Variants in GPC6 observed in about 807,000 individuals in gnomAD.
GPC6 encodes the protein glypican-6.
A neutral mutation model predicts 55.2 loss-of-function variants in GPC6; 14 were observed. That is an observed-to-expected ratio of 0.25 (90% CI 0.17 to 0.40). GPC6 has a LOEUF of 0.40. GPC6 is among the 10% of genes least tolerant of loss of function. The pLI, the probability that GPC6 is intolerant of heterozygous loss-of-function variation, is 1.00. For synonymous variants in GPC6, 278 were observed against 259.6 expected, an observed-to-expected ratio of 1.07 and a Z score of -0.68; for missense variants, 641 against 708.5, an observed-to-expected ratio of 0.90 and a Z score of 1.08.
chr13:93,251,076 AT>A (rs1731106686), intron 1 of GPC6, among the ~76,000 whole-genome samples: 1 of 152,032 alleles, frequency 6.6e-6, no homozygotes, highest in Non-Finnish European at 1.5e-5. Flanking sequence ...GGAGGAAACC[AT>A]CCCCATGATT....
At chr13:93,568,470 A>G (rs1876245896) in intron 2 of GPC6, among the ~76,000 whole-genome samples, 1 of 152,212 alleles carries the variant, frequency 6.6e-6, no homozygotes, top group African/African-American at 2.4e-5. Context: ...CTCAAGAGCA[A>G]TAGATGCTGA....
At chr13:93,875,232 TCCTGA>T (rs1889254253) in intron 3 of GPC6, among the ~76,000 whole-genome samples, 1 of 151,984 alleles carries the variant, frequency 6.6e-6, no homozygotes, top group Non-Finnish European at 1.5e-5. Context: ...TGCAAAACTA[TCCTGA>T]CCTGCCATTT....
intron 3 of GPC6, among the ~76,000 whole-genome samples, chr13:93,952,680 T>C (rs1002498757): frequency 6.6e-6 from 1 of 151,334 alleles, no homozygotes; most frequent in African/African-American, 2.4e-5. Context: ...TGTGTATAAA[T>C]AGTATATATA....
intron 2 of GPC6, among the ~76,000 whole-genome samples, chr13:93,678,979 G>C (rs1881749516): frequency 6.6e-6 from 1 of 152,114 alleles, no homozygotes; most frequent in Non-Finnish European, 1.5e-5. Context: ...AGCTGTGTTA[G>C]ACCTCAGACC....
chr13:94,048,002 AT>A (rs1326053383), intron 4 of GPC6, among the ~76,000 whole-genome samples: 3 of 151,674 alleles, frequency 2.0e-5, no homozygotes, highest in Admixed American at 6.6e-5. Context: ...AATATTTAAC[AT>A]TTTTTTTCTC....
intron 1 of GPC6, among the ~76,000 whole-genome samples, chr13:93,498,239 G>C (rs777262734): frequency 2.0e-5 from 3 of 152,148 alleles, no homozygotes; most frequent in Admixed American, 6.6e-5. Context: ...CTGGCCTTTG[G>C]ATGTCTTTCC....
chr13:93,936,922 C>T (rs189075935), intron 3 of GPC6, among the ~76,000 whole-genome samples: 44 of 152,262 alleles, frequency 2.9e-4, no homozygotes, highest in African/African-American at 1.0e-3. Context: ...TTTAGAAACC[C>T]ATCAGATATT....
chr13:93,361,957 A>C, intron 1 of GPC6, among the ~76,000 whole-genome samples: 1 of 152,206 alleles, frequency 6.6e-6, no homozygotes, highest in East Asian at 1.9e-4. Flanking sequence ...TTGATCTTTC[A>C]CTTGTGACTG....
At chr13:93,790,889 G>T (rs1448463844) in intron 2 of GPC6, among the ~76,000 whole-genome samples, 1 of 152,126 alleles carries the variant, frequency 6.6e-6, no homozygotes, top group African/African-American at 2.4e-5. Context: ...GTTTTCACAT[G>T]GACAGCGAAG....
At chr13:93,382,681 G>A (rs1408208) in intron 1 of GPC6, among the ~76,000 whole-genome samples, 29,516 of 152,108 alleles carry the variant, frequency 0.19, 3,437 homozygotes, top group East Asian at 0.53. Context: ...TGTACATCTT[G>A]AAAATTGACA....
At chr13:94,196,235 T>C (rs1427079118) in intron 4 of GPC6, among the ~76,000 whole-genome samples, 2 of 151,870 alleles carry the variant, frequency 1.3e-5, no homozygotes, top group Non-Finnish European at 2.9e-5. Flanking sequence ...ATATCTCTTA[T>C]AAGAGGGAGG....
At chr13:94,078,893 T>A (rs980541695) in intron 4 of GPC6, among the ~76,000 whole-genome samples, 1 of 151,990 alleles carries the variant, frequency 6.6e-6, no homozygotes, top group Non-Finnish European at 1.5e-5. Context: ...TAAACTCATT[T>A]TATGAGCCCA....
At chr13:93,979,396 A>T (rs1880686761) in intron 3 of GPC6, among the ~76,000 whole-genome samples, 1 of 146,454 alleles carries the variant, frequency 6.8e-6, no homozygotes, top group African/African-American at 2.5e-5. Flanking sequence ...CTACTCTTTG[A>T]GTTCTAAGGG....
rs1290299178 is a variant in GPC6, at chr13:93,560,232, G to A, written c.319+14811G>A. ...AAAAAAGGAAAAAAATAATGGATTT[G>A]CAGTTAGGCTCACTCCTTTAATCCC... is the stretch of plus-strand genomic sequence containing the variant. On this transcript the variant is annotated intron_variant, in intron 2 of 8. Transcript: ENST00000377047. 2.6e-5 allele frequency among the ~76,000 whole-genome samples: 4 copies of A among 151,920 alleles called. No homozygotes were observed. In the East Asian group the frequency reaches 7.8e-4, roughly 30 times the overall value.
At chr13:93,980,441 C>T (rs1880744731) in intron 3 of GPC6, among the ~76,000 whole-genome samples, 1 of 152,094 alleles carries the variant, frequency 6.6e-6, no homozygotes, top group Non-Finnish European at 1.5e-5. Flanking sequence ...CTTAGGACTT[C>T]CTAAAAGGAG....
intron 4 of GPC6, among the ~76,000 whole-genome samples, chr13:94,134,109 C>T (rs1439797885): frequency 1.3e-5 from 2 of 152,174 alleles, no homozygotes; most frequent in East Asian, 1.9e-4. Context: ...TGAAACTAAT[C>T]TGTGATTTCT....
At chr13:93,864,956 A>G (rs1159491590) in intron 3 of GPC6, among the ~76,000 whole-genome samples, 4 of 151,782 alleles carry the variant, frequency 2.6e-5, no homozygotes, top group African/African-American at 7.2e-5. Context: ...GATAATCAAA[A>G]TATAAATTTC....
At chr13:94,256,070 A>G (rs985717636) in intron 4 of GPC6, among the ~76,000 whole-genome samples, 3 of 152,188 alleles carry the variant, frequency 2.0e-5, no homozygotes, top group Admixed American at 2.0e-4. Flanking sequence ...GGAAAAAAAA[A>G]CAGTCAGTAA....
intron 1 of GPC6, among the ~76,000 whole-genome samples, chr13:93,519,999 T>A (rs1321913099): frequency 6.6e-6 from 1 of 152,026 alleles, no homozygotes; most frequent in African/African-American, 2.4e-5. Context: ...CTTAATTTTC[T>A]TGCCTATTCT....
Sources: gnomAD v4.1 joint callset for allele counts (sites outside exome capture counted in the v4.1 genomes callset) on GRCh38, gnomAD v4.1.1 for gene constraint, MANE v1.5 for transcripts, NCBI Gene and HGNC (gene_info 2026-07-23, HGNC 2026-07-21) for gene names.